Variants in PLXDC1 observed in about 807,000 individuals in gnomAD.
The protein encoded by PLXDC1 is plexin domain-containing protein 1.
A neutral mutation model predicts 61.3 loss-of-function variants in PLXDC1; 39 were observed. The ratio of observed to expected loss-of-function variants is 0.64; its 90% CI spans 0.49 to 0.83. PLXDC1 has a LOEUF of 0.83. Among genes scored for constraint, PLXDC1 ranks in the 40% least tolerant of loss-of-function variants. The probability of loss-of-function intolerance (pLI) is 0.00; values close to 1 mark genes in which losing one functional copy is unlikely to be tolerated. For synonymous variants in PLXDC1, 212 were observed against 254.5 expected (o/e 0.83, Z 1.59); for missense variants, 596 against 666.5 (o/e 0.89, Z 1.17).
intron 7 of PLXDC1, among the ~76,000 whole-genome samples, chr17:39,098,159 T>C (rs948425918): frequency 2.1e-5 from 3 of 143,124 alleles, no homozygotes; most frequent in African/African-American, 7.9e-5. Context: ...GAGCCGAGAT[T>C]GCGCCATTGC....
At position 39,151,323 on chromosome 17, in the gene PLXDC1, C is replaced by CT; in HGVS notation, c.76+38_76+39insA. 1 of 1,260,904 alleles carries CT rather than the reference C, an allele frequency of 7.9e-7. No individual in the cohort carries two copies. Among genetic ancestry groups the CT allele is most frequent in the Non-Finnish European group, 1.0e-6 (1 of 1,000,828 alleles). 78.1% of individuals were successfully genotyped at this position (1,260,904 alleles called of 1,614,324 possible). On this transcript the variant is annotated intron_variant, in intron 1 of 13. Coordinates refer to ENST00000315392, the MANE Select transcript of PLXDC1 (RefSeq NM_020405.5). This position sits in a 1 kb window ranked among gnomAD's most constrained non-coding sequence, Gnocchi z 5.2. ...CCACACCTGACTGCCCGTCCCTCCC[C>CT]GCCCCCGGCCCACCCGGGCCGGCTC... is the stretch of plus-strand genomic sequence containing the variant.
chr17:39,105,214 G>T (rs1910551945), intron 7 of PLXDC1, among the ~76,000 whole-genome samples: 1 of 152,134 alleles, frequency 6.6e-6, no homozygotes, highest in Non-Finnish European at 1.5e-5. Flanking sequence ...GGTCTAGAAG[G>T]AGCGGCAGTG....
At chr17:39,124,890 T>C (rs1168901434) in intron 2 of PLXDC1, among the ~76,000 whole-genome samples, 1 of 152,184 alleles carries the variant, frequency 6.6e-6, no homozygotes, top group African/African-American at 2.4e-5. Flanking sequence ...CTCAGCTTAC[T>C]GCAACCTCCA....
chr17:39,148,995 T>A (rs1206948561), intron 1 of PLXDC1, among the ~76,000 whole-genome samples: 1 of 152,098 alleles, frequency 6.6e-6, no homozygotes, highest in Non-Finnish European at 1.5e-5. Context: ...CGCTGCCTCT[T>A]CTTTATCTGT....
chr17:39,108,369 C>T (rs548947995), intron 4 of PLXDC1, 124 bp from the exon 5 acceptor site: 90 of 1,013,660 alleles, frequency 8.9e-5, no homozygotes, highest in Admixed American at 1.9e-4. Flanking sequence ...AGACCTCTGT[C>T]GCCCATCCCC....
chr17:39,129,769 G>GCA (rs2143859082), intron 2 of PLXDC1, among the ~76,000 whole-genome samples: 2 of 82,660 alleles, frequency 2.4e-5, no homozygotes, highest in Admixed American at 1.1e-4. Flanking sequence ...GAAAGAAAGA[G>GCA]AGAAAGAAAA....
chr17:39,142,204 C>G (rs1911957511), intron 1 of PLXDC1, among the ~76,000 whole-genome samples: 1 of 152,160 alleles, frequency 6.6e-6, no homozygotes, highest in Admixed American at 6.5e-5. Context: ...CCCCTTGCCC[C>G]ATTGAGGGAG....
At chr17:39,150,663 C>A (rs568785376) in intron 1 of PLXDC1, among the ~76,000 whole-genome samples, 5 of 152,050 alleles carry the variant, frequency 3.3e-5, no homozygotes, top group Non-Finnish European at 7.4e-5. Context: ...GAATGGGACG[C>A]CTCCCTCCAC....
intron 7 of PLXDC1, chr17:39,097,105 G>A (rs1910238237): frequency 2.4e-6 from 1 of 421,454 alleles, no homozygotes; most frequent in African/African-American, 2.1e-5. Flanking sequence ...GCCTAGCAGG[G>A]GTGGGGAGGA....
intron 8 of PLXDC1, among the ~76,000 whole-genome samples, chr17:39,084,742 A>G (rs1909680890): frequency 6.6e-6 from 1 of 152,208 alleles, no homozygotes. Context: ...ACAGAGCCAG[A>G]GAACAGAGAG....
intron 12 of PLXDC1, chr17:39,070,229 T>A: frequency 2.2e-6 from 1 of 456,870 alleles, no homozygotes. Context: ...TCCAAAATCA[T>A]GTAAAAGTTG....
chr17:39,116,780 G>A (rs1910981361), intron 2 of PLXDC1, among the ~76,000 whole-genome samples: 1 of 152,222 alleles, frequency 6.6e-6, no homozygotes, highest in Non-Finnish European at 1.5e-5. Context: ...GTGTCATCAG[G>A]ACATTGTCCT....
intron 2 of PLXDC1, among the ~76,000 whole-genome samples, chr17:39,121,190 C>A (rs1911151548): frequency 6.6e-6 from 1 of 152,206 alleles, no homozygotes; most frequent in South Asian, 2.1e-4. Context: ...TAACCAATTG[C>A]AAATTAAAGA....
Position 39,111,423 on chromosome 17 carries a change from T to G in PLXDC1, c.256-2032A>C, listed in dbSNP as rs61140153. Among the ~76,000 whole-genome samples, 761 of 152,334 alleles carry G rather than the reference T, an allele frequency of 5.0e-3. 5 individuals carry two copies. The highest frequency in any genetic ancestry group is 0.018 in the African/African-American group (734 of 41,570). Reference sequence around the variant, plus strand: ...CCTTAGCCTCCCAAGTAGCTGGGATTACAGGCACACGCCTCCACGCCCAGC... The same window carrying G: ...CCTTAGCCTCCCAAGTAGCTGGGATGACAGGCACACGCCTCCACGCCCAGC... On this transcript the variant is annotated intron_variant, in intron 2 of 13. Coordinates refer to ENST00000315392, the MANE Select transcript of PLXDC1 (RefSeq NM_020405.5).
At chr17:39,099,777 T>A (rs1286683896) in intron 7 of PLXDC1, among the ~76,000 whole-genome samples, 1 of 152,110 alleles carries the variant, frequency 6.6e-6, no homozygotes, top group African/African-American at 2.4e-5. Flanking sequence ...TTGGGGAAGA[T>A]CCAAGACACT....
Position 39,109,271 on chromosome 17 carries a change from A to G in PLXDC1, c.376T>C (p.Ser126Pro). ...ACCGAAGCCTGCCGGTGGGTGTTGG[A>G]GAGTATTGTGTGGATCTTCACTTGG... ...RSQVKIHTIL[S>P]NTHRQASRVV... Residue 126 changes from serine (S) to proline (P), a missense_variant, in exon 3 of 14, where the codon TCC becomes CCC. Transcript: ENST00000315392. 1 of 1,612,292 alleles carries G rather than the reference A, an allele frequency of 6.2e-7. No homozygotes were observed. The highest frequency in any genetic ancestry group is 8.5e-7 in the Non-Finnish European group (1 of 1,179,318).
chr17:39,145,938 T>C (rs1329757867), intron 1 of PLXDC1, among the ~76,000 whole-genome samples: 6 of 152,252 alleles, frequency 3.9e-5, no homozygotes, highest in Non-Finnish European at 1.5e-5. Flanking sequence ...ACCCAGCAAG[T>C]CGCCCTGCCT....
At chr17:39,076,817 C>A (rs1228311285) in intron 11 of PLXDC1, among the ~76,000 whole-genome samples, 1 of 152,154 alleles carries the variant, frequency 6.6e-6, no homozygotes, top group African/African-American at 2.4e-5. Context: ...CTCACTGCAA[C>A]CTCCATCTCC....
intron 2 of PLXDC1, chr17:39,131,651 A>T (rs1911568573): frequency 6.6e-6 from 1 of 152,530 alleles, no homozygotes; most frequent in South Asian, 2.1e-4. Flanking sequence ...CCATGCCCAG[A>T]CAACCTTTAT....
Sources: allele counts gnomAD v4.1 joint callset (sites outside exome capture counted in the v4.1 genomes callset), GRCh38; gene constraint gnomAD v4.1.1; non-coding constraint Gnocchi (gnomAD v3.1); transcripts MANE v1.5; gene names NCBI Gene and HGNC (gene_info 2026-07-23, HGNC 2026-07-21).